MACROD2: variants seen among roughly 807,000 people sequenced by gnomAD.
MACROD2 encodes the protein mono-ADP ribosylhydrolase 2, also known as ADP-ribose glycohydrolase MACROD2.
MACROD2 carries 36 observed loss-of-function variants against 70.4 expected under a neutral mutation model. That is an observed-to-expected ratio of 0.51 (90% CI 0.39 to 0.68). The LOEUF is 0.68. Among genes scored for constraint, MACROD2 ranks in the 30% least tolerant of loss-of-function variants. MACROD2 has a pLI of 0.00. For synonymous variants in MACROD2, 172 were observed against 178.8 expected (o/e 0.96, Z 0.30); for missense variants, 496 against 538.4 (o/e 0.92, Z 0.78).
At chr20:15,635,638 G>C (rs2049352209) in intron 8 of MACROD2, among the ~76,000 whole-genome samples, 1 of 152,150 alleles carries the variant, frequency 6.6e-6, no homozygotes, top group Admixed American at 6.6e-5. Context: ...ATTGGGTACT[G>C]TGCTCACAAT....
chr20:15,698,391 G>A (rs573272847), intron 8 of MACROD2, among the ~76,000 whole-genome samples: 1 of 152,294 alleles, frequency 6.6e-6, no homozygotes, highest in South Asian at 2.1e-4. Flanking sequence ...TAAAGAGGCT[G>A]AAGATATGGC....
At chr20:14,327,898 T>G (rs1035727074) in intron 3 of MACROD2, among the ~76,000 whole-genome samples, 1 of 152,106 alleles carries the variant, frequency 6.6e-6, no homozygotes, top group South Asian at 2.1e-4. Context: ...ATCAAGCTAA[T>G]TGAATATCCA....
rs140996721 is a variant in MACROD2 at position 13,996,036 on chromosome 20, C to T, written c.46+227C>T. On this transcript the variant is annotated intron_variant, in intron 1 of 17. Transcript: ENST00000684519. Reference sequence around the variant, plus strand: ...TGCAGCTCGCGCACGTGTGGGCGCACGCCCCTCTCTGTTGCCCTCGGCACC... The same window carrying T: ...TGCAGCTCGCGCACGTGTGGGCGCATGCCCCTCTCTGTTGCCCTCGGCACC... 2.2e-3 allele frequency among the ~76,000 whole-genome samples: 332 copies of T among 152,300 alleles called. 1 individual carries two copies. The highest frequency in any genetic ancestry group is 0.017 in the Middle Eastern group (5 of 292).
At chr20:14,267,168 C>T (rs186168772) in intron 3 of MACROD2, among the ~76,000 whole-genome samples, 189 of 152,152 alleles carry the variant, frequency 1.2e-3, no homozygotes, top group African/African-American at 4.3e-3. Context: ...GAAACTAGCT[C>T]GGAAGGAAGC....
At chr20:16,008,358 A>G (rs2066817908) in intron 15 of MACROD2, among the ~76,000 whole-genome samples, 1 of 152,222 alleles carries the variant, frequency 6.6e-6, no homozygotes, top group Non-Finnish European at 1.5e-5. Flanking sequence ...AACCGTGGAT[A>G]TAGATTGCAC....
At chr20:14,052,619 A>G (rs192074856) in intron 2 of MACROD2, among the ~76,000 whole-genome samples, 185 of 152,260 alleles carry the variant, frequency 1.2e-3, no homozygotes, top group Admixed American at 2.1e-3. Context: ...CTAGAATACC[A>G]GAAACTTAAG....
intron 8 of MACROD2, among the ~76,000 whole-genome samples, chr20:15,821,542 T>A (rs951934462): frequency 1.3e-5 from 2 of 152,184 alleles, no homozygotes; most frequent in East Asian, 3.8e-4. Context: ...TGAAATAAAT[T>A]GTATATACTT....
chr20:15,741,092 C>CTTTTTT (rs397865668), intron 8 of MACROD2, among the ~76,000 whole-genome samples: 1 of 124,012 alleles, frequency 8.1e-6, no homozygotes, highest in Non-Finnish European at 1.6e-5. Flanking sequence ...GTTATCATAT[C>CTTTTTT]TTTTTTTTTT....
intron 5 of MACROD2, among the ~76,000 whole-genome samples, chr20:14,876,608 T>C (rs1206929436): frequency 3.3e-5 from 5 of 152,198 alleles, no homozygotes; most frequent in Non-Finnish European, 7.4e-5. Context: ...GTCTTACACT[T>C]AAATCTTTAA....
chr20:15,245,516 A>C (rs2077098004), intron 6 of MACROD2, among the ~76,000 whole-genome samples: 1 of 152,202 alleles, frequency 6.6e-6, no homozygotes, highest in African/African-American at 2.4e-5. Flanking sequence ...ATAATAATTC[A>C]ATGATGCCCC....
intron 8 of MACROD2, among the ~76,000 whole-genome samples, chr20:15,606,346 C>T (rs2048892782): frequency 6.6e-6 from 1 of 152,166 alleles, no homozygotes; most frequent in African/African-American, 2.4e-5. Context: ...AGGCTTTTTC[C>T]TGCCTCTACT....
intron 2 of MACROD2, among the ~76,000 whole-genome samples, chr20:14,027,309 C>T: frequency 6.6e-6 from 1 of 152,082 alleles, no homozygotes; most frequent in African/African-American, 2.4e-5. Flanking sequence ...TCAGCTCCAT[C>T]AGGTCATTTC....
chr20:15,089,774 T>G (rs898147073), intron 5 of MACROD2, among the ~76,000 whole-genome samples: 3 of 152,028 alleles, frequency 2.0e-5, no homozygotes, highest in Non-Finnish European at 4.4e-5. Flanking sequence ...ATTTCTTATT[T>G]TTTTCAAGAG....
At chr20:15,640,897 T>G (rs2049449935) in intron 8 of MACROD2, among the ~76,000 whole-genome samples, 1 of 152,220 alleles carries the variant, frequency 6.6e-6, no homozygotes. Flanking sequence ...CTGCCTCGTC[T>G]GCCATCCCAC....
chr20:15,208,413 T>G (rs2076730213), intron 5 of MACROD2, among the ~76,000 whole-genome samples: 1 of 152,216 alleles, frequency 6.6e-6, no homozygotes, highest in African/African-American at 2.4e-5. Context: ...CATCTCTTTG[T>G]TGGGTCTGTT....
intron 3 of MACROD2, among the ~76,000 whole-genome samples, chr20:14,239,468 A>G (rs1469727490): frequency 2.6e-5 from 4 of 152,228 alleles, no homozygotes; most frequent in African/African-American, 9.6e-5. Context: ...CTATCTTTAA[A>G]CTATTCTACA....
intron 5 of MACROD2, among the ~76,000 whole-genome samples, chr20:14,948,106 G>T (rs1420869651): frequency 6.6e-6 from 1 of 152,118 alleles, no homozygotes; most frequent in Non-Finnish European, 1.5e-5. Context: ...CACAGAGCAA[G>T]TATCACATCC....
At chr20:15,760,367 A>G (rs1324716027) in intron 8 of MACROD2, among the ~76,000 whole-genome samples, 1 of 152,212 alleles carries the variant, frequency 6.6e-6, no homozygotes, top group Non-Finnish European at 1.5e-5. Context: ...TACAGGGAGT[A>G]GAGGCTCTGC....
At chr20:14,458,017 C>T (rs1426572341) in intron 3 of MACROD2, among the ~76,000 whole-genome samples, 1 of 151,864 alleles carries the variant, frequency 6.6e-6, no homozygotes, top group African/African-American at 2.4e-5. Context: ...AGGAGAATTA[C>T]TTGAACCCAG....
Sources: allele counts gnomAD v4.1 joint callset (sites outside exome capture counted in the v4.1 genomes callset), GRCh38; gene constraint gnomAD v4.1.1; transcripts MANE v1.5; gene names NCBI Gene and HGNC (gene_info 2026-07-23, HGNC 2026-07-21).